Variants in SANBR observed in about 807,000 individuals in gnomAD.
SANBR encodes the protein SANT and BTB domain regulator of CSR.
In SANBR, 77 loss-of-function variants were observed where a neutral mutation model predicts 101.8. That is an observed-to-expected ratio of 0.76 (90% CI 0.63 to 0.91). The LOEUF (loss-of-function observed/expected upper bound fraction) is 0.91. Among genes scored for constraint, SANBR ranks in the 40% least tolerant of loss-of-function variants. The pLI is 0.00. For missense variants in SANBR, 875 were observed against 853.0 expected (o/e 1.03, Z -0.32); for synonymous variants, 279 against 274.7 (o/e 1.02, Z -0.15).
chr2:61,066,535 G>C (rs1473815686), intron 1 of SANBR: 1 of 152,586 alleles, frequency 6.6e-6, no homozygotes, highest in African/African-American at 2.4e-5. Context: ...GATCTCCTGT[G>C]TGTGCAGAAG....
intron 11 of SANBR, among the ~76,000 whole-genome samples, chr2:61,096,762 A>G (rs1363453269): frequency 6.6e-6 from 1 of 152,304 alleles, no homozygotes; most frequent in South Asian, 2.1e-4. Flanking sequence ...TAATTTGACA[A>G]TTAAACCTTG....
chr2:61,076,621 C>G (rs1489968121), intron 5 of SANBR, among the ~76,000 whole-genome samples: 2 of 147,002 alleles, frequency 1.4e-5, no homozygotes, highest in African/African-American at 2.5e-5. Flanking sequence ...GAGAGAGACT[C>G]CGTCTAAAAA....
intron 8 of SANBR, among the ~76,000 whole-genome samples, chr2:61,086,935 A>G (rs908049263): frequency 6.6e-6 from 1 of 152,224 alleles, no homozygotes; most frequent in South Asian, 2.1e-4. Context: ...TTTGGCTTTT[A>G]ATAGCAGAAG....
chr2:61,126,206 G>T (rs892455753), downstream of SANBR, among the ~76,000 whole-genome samples: 2 of 152,126 alleles, frequency 1.3e-5, no homozygotes, highest in African/African-American at 4.8e-5. Flanking sequence ...CTACCGAAGT[G>T]CACAAGGCAA....
intron 10 of SANBR, chr2:61,088,877 A>G: frequency 1.1e-6 from 1 of 938,872 alleles, no homozygotes; most frequent in Non-Finnish European, 1.3e-6. Context: ...TACTTTTATA[A>G]GGAATGGGAT....
chr2:61,092,512 A>G lies in SANBR; in HGVS notation c.1137A>G (p.Glu379=). Residue 379 remains glutamate (E), a synonymous_variant, in exon 11 of 22, where the codon GAA becomes GAG. Transcript: ENST00000402291. Reference sequence around the variant, plus strand: ...AGTATTTGAATAGTCTTTTCGAAGAATTAAAATCTTGGAGAGATGTATACT... The same window carrying G: ...AGTATTTGAATAGTCTTTTCGAAGAGTTAAAATCTTGGAGAGATGTATACT... ...VHEYLNSLFE[E]LKSWRDVYWR... is the part of the protein sequence containing the mutation. 2 of 1,605,800 alleles carry G rather than the reference A, an allele frequency of 1.2e-6. No individual in the cohort carries two copies. Among genetic ancestry groups the G allele is most frequent in the Non-Finnish European group, 1.7e-6 (2 of 1,176,126 alleles).
At chr2:61,070,894 A>C (rs1041187923) in intron 3 of SANBR, among the ~76,000 whole-genome samples, 4 of 151,496 alleles carry the variant, frequency 2.6e-5, no homozygotes, top group Non-Finnish European at 4.4e-5. Context: ...CCACCTCAGC[A>C]TCTCACAGTC....
Position 61,118,085 on chromosome 2 carries a change from T to G in SANBR, c.1997T>G (p.Leu666Arg), listed in dbSNP as rs753122668. 16 of 1,613,700 alleles carry G rather than the reference T, an allele frequency of 9.9e-6. No homozygotes were observed. The highest frequency in any genetic ancestry group is 1.4e-5 in the Non-Finnish European group (16 of 1,179,796). ...GHLIKMRLGD[L>R]DRVKSKEAKE... ...CTAATAAAAATGAGATTGGGGGATC[T>G]GGACCGAGTCAAGTCAAAGGAAGCA... Residue 666 changes from leucine to arginine, a missense_variant, in exon 20 of 22, where the codon CTG (leucine) becomes CGG (arginine). Coordinates refer to ENST00000402291, the MANE Select transcript of SANBR (RefSeq NM_001129993.3).
chr2:61,103,641 T>C (rs561587893), intron 12 of SANBR, among the ~76,000 whole-genome samples: 65 of 152,344 alleles, frequency 4.3e-4, no homozygotes, highest in African/African-American at 1.5e-3. Context: ...TAATTCTTAA[T>C]GTGGATTGTG....
intron 16 of SANBR, among the ~76,000 whole-genome samples, chr2:61,115,457 C>T (rs1223789348): frequency 6.6e-6 from 1 of 151,678 alleles, no homozygotes; most frequent in African/African-American, 2.4e-5. Flanking sequence ...CTCAGTCTCC[C>T]GAATAGCTGG....
rs1222025668 is a variant in SANBR, at chr2:61,068,963, C to T, written c.-32C>T. ...TCCAGAGTCTGCACACTTAACCACT[C>T]CACTATTCTGGCCTTCTACAAGGTA... On this transcript the variant is annotated 5_prime_UTR_variant, in exon 2 of 22. Coordinates refer to ENST00000402291, the MANE Select transcript of SANBR (RefSeq NM_001129993.3). 2 of 152,350 alleles carry T rather than the reference C, an allele frequency of 1.3e-5. No homozygotes were observed. Among genetic ancestry groups the T allele is most frequent in the Non-Finnish European group, 2.9e-5 (2 of 68,052 alleles). 9.4% of individuals were successfully genotyped at this position (152,350 alleles called of 1,614,324 possible).
At chr2:61,105,913 GC>G (rs902008630) in intron 13 of SANBR, among the ~76,000 whole-genome samples, 4 of 151,626 alleles carry the variant, frequency 2.6e-5, no homozygotes, top group African/African-American at 9.7e-5. Flanking sequence ...CTCGTGATCC[GC>G]CCGCCTCGGC....
intron 20 of SANBR, among the ~76,000 whole-genome samples, chr2:61,133,421 A>C (rs1684748845): frequency 6.6e-6 from 1 of 152,072 alleles, no homozygotes; most frequent in Non-Finnish European, 1.5e-5. Flanking sequence ...ATTAAATTGT[A>C]CACTTTTGTT....
chr2:61,070,626 T>C (rs991347000), intron 3 of SANBR, 126 bp downstream of exon 3: 7 of 638,474 alleles, frequency 1.1e-5, no homozygotes, highest in Admixed American at 3.7e-5. Flanking sequence ...TAACACTGAA[T>C]AGACATCTAT....
At chr2:61,104,026 AT>A in intron 13 of SANBR, 28 bp downstream of exon 13, 1 of 1,598,248 alleles carries the variant, frequency 6.3e-7, no homozygotes. Context: ...CCAACACTGT[AT>A]TATAGCTTTA....
At chr2:61,078,123 A>G (rs1681889783) in intron 6 of SANBR, among the ~76,000 whole-genome samples, 1 of 152,254 alleles carries the variant, frequency 6.6e-6, no homozygotes, top group South Asian at 2.1e-4. Context: ...GAATATCTGT[A>G]TAACTCATTG....
In SANBR at chr2:61,077,197, G is replaced by A. The variant is rs1050186577; in HGVS notation, c.670+39G>A. On this transcript the variant is annotated intron_variant, in intron 6 of 21. Transcript: ENST00000402291. ...TGTTGCTTAATTTGTAGTGAAATTT[G>A]TGTGTCACCTGGTAGTTTCTTCAGG... The A allele has an allele frequency of 2.0e-5, 28 of 1,421,982 alleles. No individual in the cohort carries two copies. In the Admixed American group the frequency reaches 4.8e-4, roughly 24 times the overall value. The allele number at this position is 1,421,982 out of a possible 1,614,324, so 88.1% of individuals were successfully genotyped here.
chr2:61,076,903 G>T lies in SANBR; in HGVS notation c.432-17G>T, dbSNP rs761283667. The T allele has an allele frequency of 1.9e-6, 3 of 1,553,164 alleles. No homozygotes were observed. Among genetic ancestry groups the T allele is most frequent in the Non-Finnish European group, 2.7e-6 (3 of 1,130,458 alleles). ...AAAACTCTAATAATTTCATTTTTGT[G>T]TAACATTTTTATGAAGGCCAAACAT... On this transcript the variant is annotated splice_polypyrimidine_tract_variant and intron_variant, in intron 5 of 21. Coordinates refer to ENST00000402291, the MANE Select transcript of SANBR (RefSeq NM_001129993.3).
chr2:61,130,168 T>C (rs1684642599), intron 20 of SANBR, among the ~76,000 whole-genome samples: 1 of 152,132 alleles, frequency 6.6e-6, no homozygotes. Flanking sequence ...TATTTTCTGA[T>C]GTAACATTAA....
Sources: allele counts gnomAD v4.1 joint callset (sites outside exome capture counted in the v4.1 genomes callset), GRCh38; gene constraint gnomAD v4.1.1; transcripts MANE v1.5; gene names NCBI Gene and HGNC (gene_info 2026-07-23, HGNC 2026-07-21).